Variants in SPOPL observed in about 807,000 individuals in gnomAD.
SPOPL encodes the protein speckle-type POZ protein-like.
SPOPL carries 23 observed loss-of-function variants against 53.8 expected under a neutral mutation model. The ratio of observed to expected loss-of-function variants is 0.43; its 90% confidence interval spans 0.31 to 0.61. SPOPL has a LOEUF of 0.61. SPOPL is among the 20% of genes least tolerant of loss of function. SPOPL has a pLI of 0.12. For missense variants in SPOPL, 442 were observed against 466.9 expected (o/e 0.95, Z 0.49); for synonymous variants, 164 against 149.7 (o/e 1.10, Z -0.70).
Position 138,513,467 on chromosome 2 carries a change from T to A in SPOPL, c.-61+11348T>A, listed in dbSNP as rs1573868031. 2.6e-5 allele frequency among the ~76,000 whole-genome samples: 4 copies of A among 152,138 alleles called. No homozygotes were observed. In the South Asian group the frequency reaches 8.3e-4, roughly 32 times the overall value. ...ACTCGGGAGGCTGAGGCAGGAGCGC[T>A]TGAACCTGGGAGGCGGAGGTTGCAG... On this transcript the variant is annotated intron_variant, in intron 1 of 10. Transcript: ENST00000280098.
chr2:138,550,305 T>C lies in SPOPL; in HGVS notation c.78+11T>C. 6.2e-7 allele frequency: 1 copy of C among 1,613,480 alleles called. No individual in the cohort carries two copies. Among genetic ancestry groups the C allele is most frequent in the Non-Finnish European group, 8.5e-7 (1 of 1,179,558 alleles). ...TGGTGTTACACACAGGTACATGCTC[T>C]TAAAAATCCCTCACTTTATGTCACT... On this transcript the variant is annotated intron_variant, in intron 2 of 10. Coordinates refer to ENST00000280098, the MANE Select transcript of SPOPL (RefSeq NM_001001664.3).
Position 138,502,136 on chromosome 2 carries a change from C to T in SPOPL, c.-61+17C>T, listed in dbSNP as rs1684108896. The T allele has an allele frequency of 6.6e-6, 1 of 152,532 alleles. No homozygotes were observed. The highest frequency in any genetic ancestry group is 6.5e-5 in the Admixed American group (1 of 15,288). 9.4% of individuals were successfully genotyped at this position (152,532 alleles called of 1,614,324 possible). A position where few individuals can be genotyped will look rare whatever the true frequency, so the allele number is the denominator to read the frequency against. On this transcript the variant is annotated intron_variant, in intron 1 of 10. Transcript: ENST00000280098. ...CACGTCCAGGTAGGCGCCCCTTCCC[C>T]TCCCCCCAGTCCCCGCGGCAGCCCC...
chr2:138,548,195 T>A (rs1345458805), intron 1 of SPOPL, among the ~76,000 whole-genome samples: 1 of 151,882 alleles, frequency 6.6e-6, no homozygotes, highest in Admixed American at 6.6e-5. Context: ...GTAGAAAACG[T>A]TATGGGTTCT....
At chr2:138,545,387 T>G (rs2104886963) in intron 1 of SPOPL, among the ~76,000 whole-genome samples, 1 of 152,180 alleles carries the variant, frequency 6.6e-6, no homozygotes, top group Admixed American at 6.5e-5. Context: ...TCACTGAAAT[T>G]CAGTAGCTTG....
chr2:138,536,938 G>C (rs961571773), intron 1 of SPOPL, among the ~76,000 whole-genome samples: 12 of 152,286 alleles, frequency 7.9e-5, no homozygotes, highest in Non-Finnish European at 2.9e-5. Flanking sequence ...GTGCTGGAGG[G>C]AGGCAGTAGC....
intron 1 of SPOPL, among the ~76,000 whole-genome samples, chr2:138,527,308 G>A (rs1408923228): frequency 6.6e-6 from 1 of 151,978 alleles, no homozygotes; most frequent in East Asian, 1.9e-4. Flanking sequence ...TATCTCCGTT[G>A]TTCCTAGTCT....
At chr2:138,517,670 G>T (rs1433973132) in intron 1 of SPOPL, among the ~76,000 whole-genome samples, 1 of 151,504 alleles carries the variant, frequency 6.6e-6, no homozygotes, top group African/African-American at 2.4e-5. Flanking sequence ...AACCCAGGAG[G>T]TGAGCTTGCA....
At chr2:138,506,605 T>C (rs1048269697) in intron 1 of SPOPL, among the ~76,000 whole-genome samples, 3 of 152,118 alleles carry the variant, frequency 2.0e-5, no homozygotes, top group African/African-American at 7.2e-5. Flanking sequence ...GGGCCAGTAG[T>C]TCTTGTGCCT....
intron 5 of SPOPL, among the ~76,000 whole-genome samples, chr2:138,556,699 A>C (rs894609918): frequency 7.2e-5 from 11 of 152,304 alleles, no homozygotes; most frequent in Middle Eastern, 3.4e-3. Context: ...ATAAGATAGG[A>C]GCACCTTTAT....
chr2:138,559,404 A>G (rs1047223540), intron 7 of SPOPL, 67 bp downstream of exon 7: 111 of 1,456,874 alleles, frequency 7.6e-5, no homozygotes, highest in Non-Finnish European at 9.9e-5. Context: ...TATGTTTTAA[A>G]AGTAATAGTA....
Position 138,571,204 on chromosome 2 carries a change from T to G in SPOPL, c.*2124T>G, listed in dbSNP as rs1318760423. On this transcript the variant is annotated 3_prime_UTR_variant, in exon 11 of 11. Coordinates refer to ENST00000280098, the MANE Select transcript of SPOPL (RefSeq NM_001001664.3). ...CAGGCTATAGAATTATGTTGTCATA[T>G]ATCAGAAAAGTACTGATGTATCCAT... 1 of 152,358 alleles carries G rather than the reference T, an allele frequency of 6.6e-6. No individual in the cohort carries two copies. The highest frequency in any genetic ancestry group is 1.5e-5 in the Non-Finnish European group (1 of 68,020). 9.4% of individuals were successfully genotyped at this position (152,358 alleles called of 1,614,324 possible).
At chr2:138,508,218 A>G (rs759430607) in intron 1 of SPOPL, among the ~76,000 whole-genome samples, 14 of 152,228 alleles carry the variant, frequency 9.2e-5, no homozygotes, top group Non-Finnish European at 1.8e-4. Context: ...GACATGGATA[A>G]ACTTTTTGAA....
At chr2:138,546,886 A>G (rs1279292727) in intron 1 of SPOPL, among the ~76,000 whole-genome samples, 2 of 152,246 alleles carry the variant, frequency 1.3e-5, no homozygotes, top group Non-Finnish European at 2.9e-5. Context: ...TTTATCTTGT[A>G]ACTACATCCT....
In SPOPL at chr2:138,571,019, A is replaced by G. The variant is rs1685768973; in HGVS notation, c.*1939A>G. 1 of 152,194 alleles carries G rather than the reference A, an allele frequency of 6.6e-6. No individual in the cohort carries two copies. The highest frequency in any genetic ancestry group is 6.6e-5 in the Admixed American group (1 of 15,262). The allele number at this position is 152,194 out of a possible 1,614,324, so 9.4% of individuals were successfully genotyped here. ...AACTTCATACTTCATCCTGTGTAAGAGTATTATGGGAAGTAGAAATTCACT... is the reference window on the plus strand; with the variant it reads ...AACTTCATACTTCATCCTGTGTAAGGGTATTATGGGAAGTAGAAATTCACT... On this transcript the variant is annotated 3_prime_UTR_variant, in exon 11 of 11. Transcript: ENST00000280098.
At chr2:138,536,428 T>C (rs1190431993) in intron 1 of SPOPL, among the ~76,000 whole-genome samples, 1 of 152,102 alleles carries the variant, frequency 6.6e-6, no homozygotes, top group Non-Finnish European at 1.5e-5. Context: ...CCAGTTACCC[T>C]GGGTGATGGT....
chr2:138,515,599 A>G (rs1684420249), intron 1 of SPOPL, among the ~76,000 whole-genome samples: 1 of 152,210 alleles, frequency 6.6e-6, no homozygotes, highest in Non-Finnish European at 1.5e-5. Flanking sequence ...AGTGCAAAAA[A>G]TATTTTTCCC....
At chr2:138,550,824 TC>T (rs1685298904) in intron 3 of SPOPL, 78 bp from the exon 4 acceptor site, 10 of 1,462,090 alleles carry the variant, frequency 6.8e-6, no homozygotes, top group East Asian at 2.5e-5. Context: ...TCTCTCTCTC[TC>T]TTTCTCTCTC....
intron 1 of SPOPL, among the ~76,000 whole-genome samples, chr2:138,546,304 G>A (rs1685194871): frequency 6.6e-6 from 1 of 152,122 alleles, no homozygotes; most frequent in Non-Finnish European, 1.5e-5. Flanking sequence ...TTACTTATTT[G>A]TTGATGTATA....
At chr2:138,553,899 G>A (rs1685365621) in intron 5 of SPOPL, among the ~76,000 whole-genome samples, 1 of 152,086 alleles carries the variant, frequency 6.6e-6, no homozygotes. Flanking sequence ...CATCCTTACT[G>A]TAGAGTCTTC....
Sources: gnomAD v4.1 joint callset for allele counts (sites outside exome capture counted in the v4.1 genomes callset) on GRCh38, gnomAD v4.1.1 for gene constraint, MANE v1.5 for transcripts, NCBI Gene and HGNC (gene_info 2026-07-23, HGNC 2026-07-21) for gene names.